PPP2R5C: variants seen among roughly 807,000 people sequenced by gnomAD.
PPP2R5C encodes the protein serine/threonine-protein phosphatase 2A 56 kDa regulatory subunit gamma isoform.
Under a neutral mutation model 68.9 loss-of-function variants are expected in PPP2R5C, and 7 were observed. The ratio of observed to expected loss-of-function variants is 0.10; its 90% confidence interval spans 0.06 to 0.19. The LOEUF (loss-of-function observed/expected upper bound fraction) is 0.19. PPP2R5C is among the 10% of genes least tolerant of loss of function. PPP2R5C has a pLI of 1.00. For missense variants in PPP2R5C, 348 were observed against 641.3 expected, an observed-to-expected ratio of 0.54 and a Z score of 4.94; for synonymous variants, 210 against 222.2, an observed-to-expected ratio of 0.95 and a Z score of 0.49.
Position 101,825,337 on chromosome 14 carries a change from G to C in PPP2R5C, c.94+15301G>C, listed in dbSNP as rs1168217773. Among the ~76,000 whole-genome samples the C allele has an allele frequency of 1.3e-5, 2 of 151,954 alleles. No individual in the cohort carries two copies. Among genetic ancestry groups the C allele is most frequent in the Non-Finnish European group, 2.9e-5 (2 of 67,974 alleles). ...ATACTGATAATGGAATCCGGGCATT[G>C]CTATCTTTCTGTGTCTTAGAAGTTA... On this transcript the variant is annotated intron_variant, in intron 1 of 13. Transcript: ENST00000334743. This position sits in a 1 kb window ranked among gnomAD's most constrained non-coding sequence, Gnocchi z 4.0.
chr14:101,776,026 C>T (rs889688366), intron 2 of PPP2R5C, among the ~76,000 whole-genome samples: 1 of 145,562 alleles, frequency 6.9e-6, no homozygotes, highest in Non-Finnish European at 1.5e-5. Context: ...GATTGTGCCC[C>T]CCCCCCACTC....
intron 13 of PPP2R5C, among the ~76,000 whole-genome samples, chr14:101,919,983 A>AC (rs1595562420): frequency 6.6e-6 from 1 of 151,558 alleles, no homozygotes; most frequent in African/African-American, 2.4e-5. Context: ...AAAAAAAAAA[A>AC]AAAAAAAAAC....
In PPP2R5C at chr14:101,917,859, T is replaced by C. The variant is rs554344824; in HGVS notation, c.1355T>C (p.Met452Thr). 7 of 1,613,484 alleles carry C rather than the reference T, an allele frequency of 4.3e-6. No homozygotes were observed. The highest frequency in any genetic ancestry group is 2.7e-5 in the African/African-American group (2 of 74,978). Residue 452 changes from methionine to threonine, a missense_variant, in exon 13 of 14, where the codon ATG (methionine) becomes ACG (threonine). Physicochemically the swap from Met to Thr is moderately conservative, Grantham distance 81 (BLOSUM62 -1). Transcript: ENST00000334743. This position sits in a 1 kb window ranked among gnomAD's most constrained non-coding sequence, Gnocchi z 4.4. ...ACAGTGTATAGTCAAGCCAGCACCA[T>C]GAGCATTCCGGTTGCAATGGAGACA...
intron 2 of PPP2R5C, among the ~76,000 whole-genome samples, chr14:101,864,622 G>A (rs958962911): frequency 6.6e-6 from 1 of 152,208 alleles, no homozygotes; most frequent in African/African-American, 2.4e-5. Flanking sequence ...CCAGCGGCCA[G>A]TGCTTCAGGA....
At chr14:101,826,796 C>G (rs1044243517) in intron 1 of PPP2R5C, among the ~76,000 whole-genome samples, 1 of 152,080 alleles carries the variant, frequency 6.6e-6, no homozygotes, top group African/African-American at 2.4e-5. Context: ...TGCCCAGTAG[C>G]TGCTCTGACT....
rs893479558 is a variant in PPP2R5C at position 101,910,172 on chromosome 14, C to T, written c.1253+482C>T. 3.9e-5 allele frequency among the ~76,000 whole-genome samples: 6 copies of T among 152,208 alleles called. 1 individual carries two copies. Among genetic ancestry groups the T allele is most frequent in the East Asian group, 1.9e-4 (1 of 5,196 alleles). On this transcript the variant is annotated intron_variant, in intron 11 of 13. Coordinates refer to ENST00000334743, the Ensembl canonical transcript of PPP2R5C. ...CTTTGCAAAATCAGGGTCCTGCCCT[C>T]GTGCCTTTGAGCCCACATGTGTCCA...
At position 101,768,826 on chromosome 14, in the gene PPP2R5C, T is replaced by C. The variant is rs897004634; in HGVS notation, c.93+5856T>C. On this transcript the variant is annotated intron_variant, in intron 2 of 14. Coordinates refer to the PPP2R5C transcript ENST00000328724. ...TGCTGGCCATCTGAATCCTTTCATC[T>C]TTTTTTTTTTTTTTTTGAGACGGAG... Among the ~76,000 whole-genome samples the C allele has an allele frequency of 1.2e-3, 113 of 95,838 alleles. No individual in the cohort carries two copies. The Middle Eastern group carries it at 0.027, about 23-fold the overall frequency. 62.9% of individuals were successfully genotyped at this position (95,838 alleles called of 152,430 possible).
At chr14:101,822,448 A>G (rs932884399) in intron 1 of PPP2R5C, among the ~76,000 whole-genome samples, 9 of 152,236 alleles carry the variant, frequency 5.9e-5, no homozygotes, top group African/African-American at 1.9e-4. Flanking sequence ...AATCTAACCA[A>G]TTCAGATACT....
At chr14:101,893,682 G>A (rs1417396144) in intron 7 of PPP2R5C, among the ~76,000 whole-genome samples, 12 of 152,154 alleles carry the variant, frequency 7.9e-5, no homozygotes, top group African/African-American at 1.7e-4. Flanking sequence ...CCCGGGAGGC[G>A]GAGGTTGCAG....
rs140938306 is a variant in PPP2R5C, at chr14:101,865,494, G to T, written c.294+8609G>T. On this transcript the variant is annotated intron_variant, in intron 2 of 13. Transcript: ENST00000334743. ...GTGGTTGTGACTCAGACTGGGTCAT[G>T]TGCCCACCAAACCATGCGATAGAGT... 4.6e-5 allele frequency among the ~76,000 whole-genome samples: 7 copies of T among 152,342 alleles called. No homozygotes were observed. In the East Asian group the frequency reaches 1.2e-3, roughly 25 times the overall value.
intron 2 of PPP2R5C, among the ~76,000 whole-genome samples, chr14:101,859,765 C>T (rs976041861): frequency 6.6e-6 from 1 of 152,174 alleles, no homozygotes; most frequent in African/African-American, 2.4e-5. Flanking sequence ...CTTTGTGGTT[C>T]ACGTCTGATG....
At position 101,850,681 on chromosome 14, in the gene PPP2R5C, G is replaced by A. The variant is rs138541903; in HGVS notation, c.95-6005G>A. Among the ~76,000 whole-genome samples, 8 of 152,328 alleles carry A rather than the reference G, an allele frequency of 5.3e-5. No individual in the cohort carries two copies. The East Asian group carries it at 1.5e-3, about 29-fold the overall frequency. On this transcript the variant is annotated intron_variant, in intron 1 of 13. Coordinates refer to ENST00000334743, the Ensembl canonical transcript of PPP2R5C. ...GAAACTCAGACTCCAGGTGGTGCAG[G>A]ATGAGGCAGTGGCCAAGAAGAGAGA...
At chr14:101,861,792 C>G (rs958741076) in intron 2 of PPP2R5C, among the ~76,000 whole-genome samples, 1 of 152,084 alleles carries the variant, frequency 6.6e-6, no homozygotes, top group Non-Finnish European at 1.5e-5. Flanking sequence ...ACCAGTTATT[C>G]GGACTTTGAA....
intron 1 of PPP2R5C, chr14:101,833,655 T>G (rs2037786799): frequency 6.6e-6 from 1 of 152,280 alleles, no homozygotes; most frequent in South Asian, 2.1e-4. Context: ...TAAACTTGAC[T>G]TCCACCACCC....
intron 3 of PPP2R5C, among the ~76,000 whole-genome samples, chr14:101,795,861 C>T (rs1175539983): frequency 6.6e-6 from 1 of 152,192 alleles, no homozygotes; most frequent in Non-Finnish European, 1.5e-5. Context: ...TTCGCTCTGT[C>T]ACCCAGGCTG....
chr14:101,859,267 G>A (rs1462102991), intron 2 of PPP2R5C, among the ~76,000 whole-genome samples: 4 of 152,206 alleles, frequency 2.6e-5, no homozygotes, highest in African/African-American at 9.6e-5. Flanking sequence ...TTTAGATTAC[G>A]GTGATGCCGT....
rs138263659 is a variant in PPP2R5C at position 101,814,315 on chromosome 14, C to A, written c.94+4279C>A. Reference sequence around the variant, plus strand: ...TGACTTTATAGAACTACAGCCTTAACCTTACCCATATCCTATCCTGTATCC... The same window carrying A: ...TGACTTTATAGAACTACAGCCTTAAACTTACCCATATCCTATCCTGTATCC... On this transcript the variant is annotated intron_variant, in intron 1 of 13. Coordinates refer to ENST00000334743, the Ensembl canonical transcript of PPP2R5C. Among the ~76,000 whole-genome samples the A allele has an allele frequency of 8.4e-3, 1,285 of 152,348 alleles. 14 individuals are homozygous for A. The highest frequency in any genetic ancestry group is 0.029 in the African/African-American group (1,208 of 41,564).
At chr14:101,789,987 C>T (rs1316204219) in intron 3 of PPP2R5C, 3 of 151,232 alleles carry the variant, frequency 2.0e-5, no homozygotes, top group South Asian at 2.1e-4. Context: ...TTATCAGTGG[C>T]GGTTATGTCT....
intron 13 of PPP2R5C, among the ~76,000 whole-genome samples, chr14:101,924,009 A>G (rs1416133196): frequency 1.3e-5 from 2 of 152,262 alleles, no homozygotes; most frequent in Non-Finnish European, 2.9e-5. Context: ...ACACTGAACA[A>G]AAAGGAAGAC....
Sources: gnomAD v4.1 joint callset for allele counts (sites outside exome capture counted in the v4.1 genomes callset) on GRCh38, gnomAD v4.1.1 for gene constraint, Gnocchi (gnomAD v3.1) non-coding constraint, MANE v1.5 for transcripts, NCBI Gene and HGNC (gene_info 2026-07-23, HGNC 2026-07-21) for gene names.